Variants in MICAL2 observed in about 807,000 individuals in gnomAD.
The protein encoded by MICAL2 is microtubule associated monooxygenase, calponin and LIM domain containing 2.
In MICAL2, 77 loss-of-function variants were observed where a neutral mutation model predicts 127.3. The observed-to-expected ratio is 0.60, with a 90% CI of 0.50 to 0.73. The LOEUF (loss-of-function observed/expected upper bound fraction) is 0.73. MICAL2 is among the 30% of genes least tolerant of loss of function. The probability of loss-of-function intolerance (pLI) is 0.00; values close to 1 mark genes in which losing one functional copy is unlikely to be tolerated. For missense variants in MICAL2, 1,351 were observed against 1,434.4 expected, an observed-to-expected ratio of 0.94 and a Z score of 0.94; for synonymous variants, 570 against 551.1, an observed-to-expected ratio of 1.03 and a Z score of -0.48.
upstream of MICAL2, chr11:12,274,510 C>T (rs1863704662): frequency 6.6e-6 from 1 of 152,112 alleles, no homozygotes; most frequent in Admixed American, 6.6e-5. Flanking sequence ...GCATGGGCTG[C>T]AATATTAAAT....
At chr11:12,354,731 T>A in intron 33 of MICAL2, 4 of 1,517,750 alleles carry the variant, frequency 2.6e-6, no homozygotes, top group East Asian at 2.3e-5. Flanking sequence ...TATTCATCAA[T>A]GTTTCCTCAC....
intron 32 of MICAL2, among the ~76,000 whole-genome samples, chr11:12,334,560 C>T (rs1301705641): frequency 2.0e-5 from 3 of 151,080 alleles, no homozygotes; most frequent in Non-Finnish European, 4.4e-5. Context: ...ATTAACTCGT[C>T]AATTAGCATT....
intron 26 of MICAL2, chr11:12,262,094 T>C (rs781133869): frequency 1.6e-5 from 18 of 1,112,908 alleles, no homozygotes; most frequent in Non-Finnish European, 2.0e-5. Flanking sequence ...TCTGAGATGT[T>C]TGTACGCTCT....
chr11:12,262,578 C>T, intron 27 of MICAL2, 41 bp downstream of exon 27: 6 of 1,541,888 alleles, frequency 3.9e-6, no homozygotes, highest in East Asian at 4.5e-5. Flanking sequence ...GTGGTACTAA[C>T]CCCCAACCCG....
rs375593322 is a variant in MICAL2 at position 12,227,200 on chromosome 11, T to C, written c.1995+69T>C. Reference sequence around the variant, plus strand: ...GACGGGGTATGAGGAACGGAGATTGTCACATTCTCAGCCTGTTGAGGCTAG... The same window carrying C: ...GACGGGGTATGAGGAACGGAGATTGCCACATTCTCAGCCTGTTGAGGCTAG... On this transcript the variant is annotated intron_variant, in intron 15 of 27. Coordinates refer to ENST00000683283, the MANE Select transcript of MICAL2 (RefSeq NM_001282663.2). 78 of 1,137,778 alleles carry C rather than the reference T, an allele frequency of 6.9e-5. No homozygotes were observed. The East Asian group carries it at 1.0e-3, about 15-fold the overall frequency. 70.5% of individuals were successfully genotyped at this position (1,137,778 alleles called of 1,614,324 possible).
At chr11:12,317,300 G>A (rs930447363) in intron 29 of MICAL2, among the ~76,000 whole-genome samples, 1 of 152,176 alleles carries the variant, frequency 6.6e-6, no homozygotes, top group Non-Finnish European at 1.5e-5. Context: ...TACTGTGATT[G>A]TAGGACTTTC....
At chr11:12,320,321 A>G (rs371158769) in intron 30 of MICAL2, among the ~76,000 whole-genome samples, 22 of 152,364 alleles carry the variant, frequency 1.4e-4, no homozygotes, top group East Asian at 1.2e-3. Context: ...GGGAGATGGC[A>G]GACTTCTTTT....
At chr11:12,207,871 A>G in intron 4 of MICAL2, 152 bp from the exon 5 acceptor site, 1 of 639,524 alleles carries the variant, frequency 1.6e-6, no homozygotes, top group Non-Finnish European at 2.8e-6. Flanking sequence ...GAAAACACAG[A>G]GCTCTTGGTG....
At position 12,110,627 on chromosome 11, in the gene MICAL2, G is replaced by T. The variant is rs1178244828; in HGVS notation, c.-248G>T. On this transcript the variant is annotated 5_prime_UTR_variant, in exon 1 of 28. Transcript: ENST00000683283. The surrounding 1 kb of genome is among the most constrained non-coding windows in gnomAD (Gnocchi z 4.5). ...AAGCCTGCGCCGGGCCGCCTCGCTC[G>T]CTCCCAGCTCTGTCAGTGGCCCGCG... is the stretch of plus-strand genomic sequence containing the variant. The T allele has an allele frequency of 6.6e-6, 1 of 151,768 alleles. No homozygotes were observed. The highest frequency in any genetic ancestry group is 1.5e-5 in the Non-Finnish European group (1 of 67,912). 9.4% of individuals were successfully genotyped at this position (151,768 alleles called of 1,614,324 possible).
At chr11:12,301,905 A>G (rs1285333287) in intron 29 of MICAL2, among the ~76,000 whole-genome samples, 3 of 152,230 alleles carry the variant, frequency 2.0e-5, no homozygotes, top group African/African-American at 7.2e-5. Context: ...TAGGAGATAC[A>G]CATATGTCTC....
At chr11:12,188,398 C>T (rs988055785) in intron 3 of MICAL2, among the ~76,000 whole-genome samples, 8 of 152,020 alleles carry the variant, frequency 5.3e-5, no homozygotes, top group Non-Finnish European at 7.4e-5. Flanking sequence ...CTTCCAGGGA[C>T]GTTTGATAAT....
Position 12,236,609 on chromosome 11 carries a change from A to C in MICAL2, c.2064+364A>C, listed in dbSNP as rs79379793. On this transcript the variant is annotated intron_variant, in intron 16 of 27. Coordinates refer to ENST00000683283, the MANE Select transcript of MICAL2 (RefSeq NM_001282663.2). ...CAGTAAATAGTAAAGAGGCATCAGC[A>C]CTCCCACTTTTCTCCCAATCATCGT... 5.1e-3 allele frequency among the ~76,000 whole-genome samples: 783 copies of C among 152,208 alleles called. 5 individuals are homozygous for C. Among genetic ancestry groups the C allele is most frequent in the African/African-American group, 0.012 (516 of 41,518 alleles).
At chr11:12,279,710 C>A (rs1351087634) in intron 1 of MICAL2, among the ~76,000 whole-genome samples, 2 of 152,204 alleles carry the variant, frequency 1.3e-5, no homozygotes, top group African/African-American at 4.8e-5. Context: ...CAGCCATTGG[C>A]AGAGAGGCTG....
At chr11:12,180,349 A>ATATATATATATATATATATATATTTTT (rs11403732) in intron 3 of MICAL2, among the ~76,000 whole-genome samples, 2 of 139,712 alleles carry the variant, frequency 1.4e-5, no homozygotes, top group African/African-American at 5.3e-5. Flanking sequence ...ATATGTATAT[A>ATATATATATATATATATATATATTTTT]TTTTTTTTTT....
At chr11:12,252,437 G>A (rs972602266) in intron 22 of MICAL2, 1 of 152,316 alleles carries the variant, frequency 6.6e-6, no homozygotes, top group Non-Finnish European at 1.5e-5. Context: ...AAGTTCAAGG[G>A]ATCAGACACC....
rs542680253 is a variant in MICAL2 at position 12,181,416 on chromosome 11, G to A, written c.264+18997G>A. ...ATGGATTTAGTAGTTTTCAATTTGC[G>A]GTTAAGGATGGCATTTGTAGCCTTA... On this transcript the variant is annotated intron_variant, in intron 3 of 27. Coordinates refer to ENST00000683283, the MANE Select transcript of MICAL2 (RefSeq NM_001282663.2). Among the ~76,000 whole-genome samples the A allele has an allele frequency of 9.2e-5, 14 of 152,276 alleles. No individual in the cohort carries two copies. The East Asian group carries it at 2.1e-3, about 23-fold the overall frequency.
upstream of MICAL2, among the ~76,000 whole-genome samples, chr11:12,275,462 G>A (rs920499948): frequency 1.3e-5 from 2 of 152,174 alleles, no homozygotes; most frequent in African/African-American, 4.8e-5. Flanking sequence ...AGTGTTACAA[G>A]GTCAAGGGGA....
At chr11:12,151,882 C>T (rs952433679) in intron 2 of MICAL2, among the ~76,000 whole-genome samples, 4 of 152,162 alleles carry the variant, frequency 2.6e-5, no homozygotes, top group Non-Finnish European at 5.9e-5. Context: ...ACCAAGGCTC[C>T]AAAGACACCT....
At chr11:12,330,380 T>C (rs1250384127) in intron 32 of MICAL2, among the ~76,000 whole-genome samples, 1 of 152,172 alleles carries the variant, frequency 6.6e-6, no homozygotes, top group Non-Finnish European at 1.5e-5. Flanking sequence ...ATGATCACAG[T>C]TAGGCAATAA....
Sources: allele counts gnomAD v4.1 joint callset (sites outside exome capture counted in the v4.1 genomes callset), GRCh38; gene constraint gnomAD v4.1.1; non-coding constraint Gnocchi (gnomAD v3.1); transcripts MANE v1.5; gene names NCBI Gene and HGNC (gene_info 2026-07-23, HGNC 2026-07-21).